Variants in CORO2B observed in about 807,000 individuals in gnomAD.
CORO2B encodes the protein coronin-2B.
Under a neutral mutation model 58.8 loss-of-function variants are expected in CORO2B, and 26 were observed. That is an observed-to-expected ratio of 0.44 (90% confidence interval 0.32 to 0.61). The LOEUF (loss-of-function observed/expected upper bound fraction) is 0.61, where lower values mean the gene tolerates loss of function less well. Among genes scored for constraint, CORO2B ranks in the 20% least tolerant of loss-of-function variants. CORO2B has a pLI of 0.04. For missense variants in CORO2B, 460 were observed against 645.1 expected (o/e 0.71, Z 3.11); for synonymous variants, 242 against 253.8 (o/e 0.95, Z 0.44).
At chr15:68,702,801 ATCTTTTTCTTTT>A (rs1280487041) in intron 3 of CORO2B, among the ~76,000 whole-genome samples, 1 of 135,324 alleles carries the variant, frequency 7.4e-6, no homozygotes, top group East Asian at 2.1e-4. Context: ...CAGAAACCAT[ATCTTTTTCTTTT>A]TCTTTTTCTT....
At chr15:68,543,172 G>C in the CORO2B span, among the ~76,000 whole-genome samples, 1 of 152,200 alleles carries the variant, frequency 6.6e-6, no homozygotes, top group Non-Finnish European at 1.5e-5. Flanking sequence ...CAGTGACCCT[G>C]GCCTTCGAGA....
intron 2 of CORO2B, among the ~76,000 whole-genome samples, chr15:68,678,374 G>A (rs982467285): frequency 6.6e-6 from 1 of 152,048 alleles, no homozygotes; most frequent in Non-Finnish European, 1.5e-5. Flanking sequence ...CAGGCCTGTC[G>A]GGCAATAACA....
intron 2 of CORO2B, among the ~76,000 whole-genome samples, chr15:68,685,603 C>CCAGGAGG (rs1555416460): frequency 6.6e-6 from 1 of 152,218 alleles, no homozygotes; most frequent in Non-Finnish European, 1.5e-5. Context: ...TTCAGGTGCT[C>CCAGGAGG]CAGGAGGCAG....
chr15:68,669,053 CAGAAAGAAAGAG>C (rs1364323049), intron 2 of CORO2B, among the ~76,000 whole-genome samples: 1 of 141,670 alleles, frequency 7.1e-6, no homozygotes, highest in African/African-American at 2.7e-5. Context: ...ACTCCTCCAT[CAGAAAGAAAGAG>C]AGAAAGAGAG....
In CORO2B at chr15:68,616,498, A is replaced by G. The variant is rs371473857; in HGVS notation, c.16-28662A>G. 1.1e-4 allele frequency: 104 copies of G among 979,134 alleles called. No homozygotes were observed. In the East Asian group the frequency reaches 8.2e-3, roughly 77 times the overall value. The allele number at this position is 979,134 out of a possible 1,614,324, so 60.7% of individuals were successfully genotyped here. On this transcript the variant is annotated intron_variant, in intron 1 of 11. Coordinates refer to ENST00000261861, the MANE Select transcript of CORO2B (RefSeq NM_006091.5). ...TGCCCGGCCTGCTGGCTTTACTGCC[A>G]TGCTCCACTCCCTTAAAAGCAGGCA...
intron 1 of CORO2B, chr15:68,632,455 C>T (rs1900868674): frequency 2.0e-6 from 2 of 981,300 alleles, no homozygotes; most frequent in South Asian, 9.4e-5. Context: ...GAAACGTCCT[C>T]TCTCAACAAT....
At chr15:68,533,173 G>A in the CORO2B span, among the ~76,000 whole-genome samples, 1 of 152,012 alleles carries the variant, frequency 6.6e-6, no homozygotes, top group Non-Finnish European at 1.5e-5. Context: ...GAGATCATTT[G>A]GCTTATCTTT....
At chr15:68,616,138 C>T (rs533469511) in intron 1 of CORO2B, among the ~76,000 whole-genome samples, 15 of 152,272 alleles carry the variant, frequency 9.9e-5, no homozygotes, top group East Asian at 1.9e-4. Flanking sequence ...ACTGACTCTA[C>T]GGCCTGTGCT....
chr15:68,546,558 AGGAGCTGCTGTT>A, the CORO2B span, among the ~76,000 whole-genome samples: 2 of 152,194 alleles, frequency 1.3e-5, no homozygotes, highest in South Asian at 2.1e-4. Context: ...ATGGGCCACC[AGGAGCTGCTGTT>A]GGCTTTCTGC....
chr15:68,671,069 G>A (rs1482464020), intron 2 of CORO2B, among the ~76,000 whole-genome samples: 3 of 152,154 alleles, frequency 2.0e-5, no homozygotes, highest in Non-Finnish European at 2.9e-5. Flanking sequence ...GTAGGGAATT[G>A]CATAAGGTAT....
At chr15:68,558,516 A>T in the CORO2B span, among the ~76,000 whole-genome samples, 1 of 152,170 alleles carries the variant, frequency 6.6e-6, no homozygotes, top group Non-Finnish European at 1.5e-5. Context: ...CTGGGACCAC[A>T]GGCATGCGTC....
intron 2 of CORO2B, among the ~76,000 whole-genome samples, chr15:68,652,970 A>G (rs1452526537): frequency 6.6e-6 from 1 of 152,078 alleles, no homozygotes; most frequent in Non-Finnish European, 1.5e-5. Context: ...AATTCAACCA[A>G]CACTTTATTA....
At chr15:68,680,429 G>A (rs1487850208) in intron 2 of CORO2B, among the ~76,000 whole-genome samples, 4 of 152,208 alleles carry the variant, frequency 2.6e-5, no homozygotes, top group Non-Finnish European at 4.4e-5. Flanking sequence ...ATGCTAAATG[G>A]AGAAGCAGGA....
At chr15:68,601,055 G>A (rs1363198891) in intron 1 of CORO2B, among the ~76,000 whole-genome samples, 3 of 152,244 alleles carry the variant, frequency 2.0e-5, no homozygotes, top group Non-Finnish European at 4.4e-5. Flanking sequence ...CCTGTGGTGT[G>A]TGTGCCTCCC....
chr15:68,579,130 G>A lies in CORO2B; in HGVS notation c.-133G>A. 3 of 981,800 alleles carry A rather than the reference G, an allele frequency of 3.1e-6. No homozygotes were observed. The highest frequency in any genetic ancestry group is 3.6e-6 in the Non-Finnish European group (3 of 828,428). 60.8% of individuals were successfully genotyped at this position (981,800 alleles called of 1,614,324 possible). On this transcript the variant is annotated 5_prime_UTR_variant, in exon 1 of 12. Transcript: ENST00000261861. ...TGCCCGCCCGGAGCGCAGCCCCCAG[G>A]CTCGGCCGAGCCGCCGGCGGGGCGC...
At chr15:68,587,957 C>G (rs889971948) in intron 1 of CORO2B, among the ~76,000 whole-genome samples, 2 of 152,228 alleles carry the variant, frequency 1.3e-5, no homozygotes, top group African/African-American at 4.8e-5. Context: ...CTCGCTCTTG[C>G]CTCTGCTCCT....
chr15:68,725,891 G>C lies in CORO2B; in HGVS notation c.1360G>C (p.Glu454Gln). 1 of 1,614,094 alleles carries C rather than the reference G, an allele frequency of 6.2e-7. No individual in the cohort carries two copies. The highest frequency in any genetic ancestry group is 8.5e-7 in the Non-Finnish European group (1 of 1,180,024). Residue 454 changes from glutamate to glutamine, a missense_variant, in exon 12 of 12, where the codon GAG (glutamate) becomes CAG (glutamine). Around this residue, in one of 2 missense-constraint regions of CORO2B, gnomAD observed 108 missense variants for 102.1 expected, o/e 1.06. Coordinates refer to ENST00000261861, the MANE Select transcript of CORO2B (RefSeq NM_006091.5). ...RQQDEIRRLK[E>Q]ELAQKDIRIR... ...GCAGGATGAGATTCGACGGTTGAAA[G>C]AGGAGCTGGCCCAGAAGGACATCCG...
intron 5 of CORO2B, among the ~76,000 whole-genome samples, chr15:68,712,976 G>T (rs566908932): frequency 3.9e-5 from 6 of 152,188 alleles, no homozygotes; most frequent in Admixed American, 2.0e-4. Context: ...GGTGGAGCTA[G>T]AACTAGAGTT....
chr15:68,570,061 A>T, the CORO2B span, among the ~76,000 whole-genome samples: 1 of 152,246 alleles, frequency 6.6e-6, no homozygotes, highest in African/African-American at 2.4e-5. Context: ...AAGAGGCCTT[A>T]CAGAGGTGAT....
Sources: gnomAD v4.1 joint callset for allele counts (sites outside exome capture counted in the v4.1 genomes callset) on GRCh38, gnomAD v4.1.1 for gene constraint, gnomAD v4.1.1 regional missense constraint, MANE v1.5 for transcripts, NCBI Gene and HGNC (gene_info 2026-07-23, HGNC 2026-07-21) for gene names.